Variants in RANBP2 observed in about 807,000 individuals in gnomAD.
The protein encoded by RANBP2 is RAN binding protein 2, also known as E3 SUMO-protein ligase RanBP2.
In RANBP2, 57 loss-of-function variants were observed where a neutral mutation model predicts 303.6. The observed-to-expected ratio is 0.19, with a 90% CI of 0.15 to 0.23. The LOEUF (loss-of-function observed/expected upper bound fraction) is 0.23, where lower values mean the gene tolerates loss of function less well. Among genes scored for constraint, RANBP2 ranks in the 10% least tolerant of loss-of-function variants. RANBP2 has a pLI of 1.00. For synonymous variants in RANBP2, 1,167 were observed against 1,301.5 expected, an observed-to-expected ratio of 0.90 and a Z score of 2.23; for missense variants, 3,138 against 3,780.8, an observed-to-expected ratio of 0.83 and a Z score of 4.46.
the RANBP2 span, among the ~76,000 whole-genome samples, chr2:109,702,570 C>T: frequency 3.9e-5 from 6 of 152,200 alleles, no homozygotes; most frequent in African/African-American, 1.4e-4. Flanking sequence ...CTGTACTCCA[C>T]AAAGGGATAA....
the RANBP2 span, among the ~76,000 whole-genome samples, chr2:109,111,579 A>T: frequency 4.7e-5 from 7 of 150,078 alleles, no homozygotes; most frequent in African/African-American, 1.7e-4. Flanking sequence ...CATTTTGGAG[A>T]TGGCATTTTT....
chr2:109,380,966 C>T, the RANBP2 span, among the ~76,000 whole-genome samples: 11 of 152,236 alleles, frequency 7.2e-5, no homozygotes, highest in African/African-American at 2.4e-4. Context: ...CAGCAGGAGT[C>T]GTTGCTGATT....
chr2:109,528,634 C>T, the RANBP2 span, among the ~76,000 whole-genome samples: 3 of 152,110 alleles, frequency 2.0e-5, no homozygotes, highest in Non-Finnish European at 4.4e-5. Flanking sequence ...GTGGGCAGAG[C>T]CCAGAGAACA....
chr2:108,731,697 A>C, intron 4 of RANBP2: 2 of 886,232 alleles, frequency 2.3e-6, no homozygotes, highest in Non-Finnish European at 3.2e-6. Flanking sequence ...GGAATAATTA[A>C]TATTTTAGGG....
the RANBP2 span, chr2:109,665,319 C>G: frequency 6.6e-6 from 1 of 150,434 alleles, no homozygotes; most frequent in Non-Finnish European, 1.5e-5. Flanking sequence ...AGAATGGGAC[C>G]AAGGTTGATA....
At chr2:109,477,336 GA>G in the RANBP2 span, among the ~76,000 whole-genome samples, 1 of 152,088 alleles carries the variant, frequency 6.6e-6, no homozygotes, top group African/African-American at 2.4e-5. Flanking sequence ...TGCCCTCCAT[GA>G]AAAAAGTGAC....
the RANBP2 span, among the ~76,000 whole-genome samples, chr2:108,988,498 C>T: frequency 1.1e-4 from 17 of 152,168 alleles, no homozygotes; most frequent in East Asian, 3.9e-4. Context: ...GTCTCAGACA[C>T]GACTGGAAAC....
chr2:109,489,277 C>T, the RANBP2 span, among the ~76,000 whole-genome samples: 7 of 152,358 alleles, frequency 4.6e-5, no homozygotes, highest in South Asian at 4.1e-4. Flanking sequence ...GACACCTTAT[C>T]GGGTGGAGAC....
the RANBP2 span, among the ~76,000 whole-genome samples, chr2:109,407,487 T>C: frequency 6.6e-6 from 1 of 152,154 alleles, no homozygotes; most frequent in Admixed American, 6.5e-5. Context: ...GACAGACAGA[T>C]GCTTCAAGCA....
At chr2:108,877,530 A>G in the RANBP2 span, among the ~76,000 whole-genome samples, 1 of 152,226 alleles carries the variant, frequency 6.6e-6, no homozygotes, top group East Asian at 1.9e-4. Flanking sequence ...AGAAACAAAA[A>G]ATAACTTCAT....
chr2:109,274,742 G>A, the RANBP2 span, among the ~76,000 whole-genome samples: 1 of 152,150 alleles, frequency 6.6e-6, no homozygotes, highest in African/African-American at 2.4e-5. Context: ...TGTAGTAAAT[G>A]CCATTAAATT....
chr2:108,740,017 G>C (rs556791019), intron 6 of RANBP2, among the ~76,000 whole-genome samples: 2 of 151,868 alleles, frequency 1.3e-5, no homozygotes, highest in Admixed American at 1.3e-4. Context: ...TATTTTAAAC[G>C]CTGTAATGAT....
chr2:109,026,837 T>C, the RANBP2 span, among the ~76,000 whole-genome samples: 1 of 152,122 alleles, frequency 6.6e-6, no homozygotes, highest in Non-Finnish European at 1.5e-5. Flanking sequence ...GAGGCCAAGG[T>C]GGTGGATCAC....
chr2:109,669,820 C>T, the RANBP2 span, among the ~76,000 whole-genome samples: 2 of 152,270 alleles, frequency 1.3e-5, no homozygotes, highest in East Asian at 1.9e-4. Context: ...ACCTGCTCCC[C>T]GCCATGGGCA....
At chr2:109,542,393 G>C in the RANBP2 span, among the ~76,000 whole-genome samples, 1 of 152,174 alleles carries the variant, frequency 6.6e-6, no homozygotes, top group Non-Finnish European at 1.5e-5. Context: ...TCTCAGGCAG[G>C]TTTATTACGT....
At chr2:109,027,918 A>G in the RANBP2 span, among the ~76,000 whole-genome samples, 1 of 152,224 alleles carries the variant, frequency 6.6e-6, no homozygotes, top group Non-Finnish European at 1.5e-5. Context: ...GGGCTCTGCC[A>G]GTTAATGCAT....
At position 108,766,540 on chromosome 2, in the gene RANBP2, G is replaced by C. The variant is rs1260119403; in HGVS notation, c.6001G>C (p.Asp2001His). 6.2e-7 allele frequency: 1 copy of C among 1,611,964 alleles called. No homozygotes were observed. Among genetic ancestry groups the C allele is most frequent in the Non-Finnish European group, 8.5e-7 (1 of 1,179,842 alleles). Residue 2001 changes from aspartate to histidine, a missense_variant, in exon 20 of 29, where the codon GAT (aspartate) becomes CAT (histidine). Around this residue, in one of 20 missense-constraint regions of RANBP2, gnomAD observed 348 missense variants for 360.4 expected, o/e 0.97. Coordinates refer to ENST00000283195, the MANE Select transcript of RANBP2 (RefSeq NM_006267.5). ...NTSGDFEKDD[D>H]AYKTEDSDDI... ...TTCCGGTGACTTTGAGAAAGATGAT[G>C]ATGCCTATAAGACTGAGGACAGCGA... is the stretch of plus-strand genomic sequence containing the variant.
the RANBP2 span, among the ~76,000 whole-genome samples, chr2:108,821,892 C>T: frequency 3.3e-3 from 487 of 146,984 alleles, 2 homozygotes; most frequent in African/African-American, 0.011. Context: ...TGTGCCACTG[C>T]GCTCCAGCAT....
the RANBP2 span, among the ~76,000 whole-genome samples, chr2:108,991,516 T>G: frequency 6.6e-6 from 1 of 152,180 alleles, no homozygotes; most frequent in East Asian, 1.9e-4. Context: ...AACAAATGAA[T>G]TGTAATTTAG....
Sources: gnomAD v4.1 joint callset for allele counts (sites outside exome capture counted in the v4.1 genomes callset) on GRCh38, gnomAD v4.1.1 for gene constraint, gnomAD v4.1.1 regional missense constraint, MANE v1.5 for transcripts, NCBI Gene and HGNC (gene_info 2026-07-23, HGNC 2026-07-21) for gene names.